HMGB1: variants seen among roughly 807,000 people sequenced by gnomAD.
HMGB1 encodes the protein high mobility group protein B1.
For synonymous variants in HMGB1, 81 were observed against 84.0 expected, an observed-to-expected ratio of 0.96 and a Z score of 0.19; for missense variants, 79 against 253.5, an observed-to-expected ratio of 0.31 and a Z score of 4.67.
At chr13:30,548,693 T>A (rs1869281758) in intron 1 of HMGB1, among the ~76,000 whole-genome samples, 1 of 152,176 alleles carries the variant, frequency 6.6e-6, no homozygotes, top group Admixed American at 6.5e-5. Context: ...CTAATTATGA[T>A]GAGATGTCAC....
chr13:30,521,121 C>G (rs1005458248), intron 1 of HMGB1, among the ~76,000 whole-genome samples: 1 of 152,166 alleles, frequency 6.6e-6, no homozygotes, highest in African/African-American at 2.4e-5. Context: ...AAGCCCAGAA[C>G]TGATCTTTGC....
chr13:30,613,638 A>G (rs778100054), intron 1 of HMGB1, among the ~76,000 whole-genome samples: 1 of 152,192 alleles, frequency 6.6e-6, no homozygotes, highest in Admixed American at 6.5e-5. Context: ...ATACTTATGC[A>G]TATTATGTAT....
At position 30,460,037 on chromosome 13, in the gene HMGB1, G is replaced by C. The variant is rs1226430669; in HGVS notation, c.*1320C>G. ...CTATTTTAAAATACTGGCACTTTAAGAAAACGATAATCTCGAAAACCACAA... is the reference window on the plus strand; with the variant it reads ...CTATTTTAAAATACTGGCACTTTAACAAAACGATAATCTCGAAAACCACAA... On this transcript the variant is annotated 3_prime_UTR_variant, in exon 5 of 5. Transcript: ENST00000341423. 2.0e-5 allele frequency: 3 copies of C among 152,532 alleles called. No individual in the cohort carries two copies. The highest frequency in any genetic ancestry group is 7.2e-5 in the African/African-American group (3 of 41,434). The allele number at this position is 152,532 out of a possible 1,614,324, so 9.4% of individuals were successfully genotyped here.
In HMGB1 at chr13:30,538,510, C is replaced by CTTTCTTTATTTCTTTCTTT. The variant is rs1164550479; in HGVS notation, c.-14-74817_-14-74816insAAAGAAAGAAATAAAGAAA. On this transcript the variant is annotated intron_variant, in intron 1 of 4. Transcript: ENST00000405805. ...TCTTTCTTTCTTTCTTTCTTTCTTTCCTTTCTTTCTTTCCTTTCTTTCTTT... is the reference window on the plus strand; with the variant it reads ...TCTTTCTTTCTTTCTTTCTTTCTTTCTTTCTTTATTTCTTTCTTTCTTTCTTTCTTTCCTTTCTTTCTTT... Among the ~76,000 whole-genome samples, 40 of 82,230 alleles carry CTTTCTTTATTTCTTTCTTT rather than the reference C, an allele frequency of 4.9e-4. 1 individual carries two copies. The highest frequency in any genetic ancestry group is 3.4e-3 in the African/African-American group (39 of 11,624). 53.9% of individuals were successfully genotyped at this position (82,230 alleles called of 152,430 possible). A position where few individuals can be genotyped will look rare whatever the true frequency, so the allele number is the denominator to read the frequency against.
At chr13:30,585,825 C>T (rs557893672) in intron 1 of HMGB1, among the ~76,000 whole-genome samples, 25 of 152,162 alleles carry the variant, frequency 1.6e-4, no homozygotes, top group Non-Finnish European at 3.2e-4. Context: ...ATACAATCTA[C>T]AATCCCAGAC....
At chr13:30,534,025 C>T (rs750264988) in intron 1 of HMGB1, among the ~76,000 whole-genome samples, 30 of 152,098 alleles carry the variant, frequency 2.0e-4, no homozygotes, top group African/African-American at 6.5e-4. Flanking sequence ...CCACCACACC[C>T]GGCTAATTTT....
chr13:30,545,847 G>C (rs1222541810), intron 1 of HMGB1, among the ~76,000 whole-genome samples: 2 of 152,076 alleles, frequency 1.3e-5, no homozygotes, highest in Non-Finnish European at 2.9e-5. Flanking sequence ...GACTGCAAGT[G>C]TGTGCCACCA....
At chr13:30,519,006 G>A (rs550246835) in intron 1 of HMGB1, among the ~76,000 whole-genome samples, 13 of 152,036 alleles carry the variant, frequency 8.6e-5, no homozygotes, top group Non-Finnish European at 1.6e-4. Context: ...TTATGGGTGT[G>A]AGCCACTGTG....
At chr13:30,576,707 G>A (rs1422963766) in intron 1 of HMGB1, among the ~76,000 whole-genome samples, 1 of 151,732 alleles carries the variant, frequency 6.6e-6, no homozygotes, top group Non-Finnish European at 1.5e-5. Context: ...CTATCTCCTG[G>A]AAGCTTTCCA....
intron 1 of HMGB1, among the ~76,000 whole-genome samples, chr13:30,534,553 C>A (rs750165222): frequency 7.3e-5 from 11 of 151,670 alleles, no homozygotes; most frequent in Admixed American, 1.3e-4. Flanking sequence ...ATGTTATCAT[C>A]CTTATCTTAC....
intron 1 of HMGB1, among the ~76,000 whole-genome samples, chr13:30,487,139 G>C (rs566515220): frequency 1.3e-5 from 2 of 152,332 alleles, no homozygotes; most frequent in Admixed American, 1.3e-4. Context: ...ATGTGGTCTT[G>C]TGTTTTGGGG....
chr13:30,612,907 T>C (rs980780239), intron 1 of HMGB1, among the ~76,000 whole-genome samples: 2 of 152,250 alleles, frequency 1.3e-5, no homozygotes, highest in African/African-American at 4.8e-5. Flanking sequence ...TGACTGTACC[T>C]AAAGCAGTTC....
At chr13:30,604,715 T>C (rs1307738996) in intron 1 of HMGB1, among the ~76,000 whole-genome samples, 1 of 152,226 alleles carries the variant, frequency 6.6e-6, no homozygotes, top group Admixed American at 6.5e-5. Context: ...TGGAGTGCAG[T>C]GGCGTGATCT....
intron 1 of HMGB1, among the ~76,000 whole-genome samples, chr13:30,515,046 T>G (rs1037612494): frequency 6.6e-6 from 1 of 152,218 alleles, no homozygotes; most frequent in East Asian, 1.9e-4. Context: ...ACCCTCATCA[T>G]ACTAAATCAT....
chr13:30,578,724 T>C (rs909834000), intron 1 of HMGB1, among the ~76,000 whole-genome samples: 1 of 152,184 alleles, frequency 6.6e-6, no homozygotes, highest in African/African-American at 2.4e-5. Flanking sequence ...AGGTCTTCAA[T>C]GGGCTCCACC....
intron 1 of HMGB1, among the ~76,000 whole-genome samples, chr13:30,516,606 G>A (rs1448358714): frequency 6.6e-6 from 1 of 152,126 alleles, no homozygotes; most frequent in Non-Finnish European, 1.5e-5. Context: ...TTTAGTCGAT[G>A]TTAAGGAGGA....
intron 1 of HMGB1, among the ~76,000 whole-genome samples, chr13:30,588,779 T>C (rs1871257085): frequency 6.6e-6 from 1 of 151,848 alleles, no homozygotes; most frequent in Admixed American, 6.6e-5. Flanking sequence ...TAGCCGTGAA[T>C]GATGGCTCGT....
intron 1 of HMGB1, among the ~76,000 whole-genome samples, chr13:30,474,102 G>A (rs887737659): frequency 1.1e-4 from 17 of 152,180 alleles, no homozygotes; most frequent in African/African-American, 4.1e-4. Flanking sequence ...CAAAAATGTT[G>A]CAGATTAGAT....
chr13:30,528,635 A>G (rs1389220400), intron 1 of HMGB1, among the ~76,000 whole-genome samples: 1 of 152,198 alleles, frequency 6.6e-6, no homozygotes, highest in East Asian at 1.9e-4. Context: ...AAGGCATGAC[A>G]TCCATAGAGA....
Sources: allele counts gnomAD v4.1 joint callset (sites outside exome capture counted in the v4.1 genomes callset), GRCh38; gene constraint gnomAD v4.1.1; transcripts MANE v1.5; gene names NCBI Gene and HGNC (gene_info 2026-07-23, HGNC 2026-07-21).